The following ST18 variants were observed in gnomAD, a reference collection of about 807,000 sequenced individuals.
The protein encoded by ST18 is ST18 C2H2C-type zinc finger transcription factor.
A neutral mutation model predicts 110.0 loss-of-function variants in ST18; 50 were observed. The ratio of observed to expected loss-of-function variants is 0.45; its 90% CI spans 0.36 to 0.58. ST18 has a LOEUF of 0.58. ST18 is among the 20% of genes least tolerant of loss of function. The probability of loss-of-function intolerance (pLI) is 0.00; values close to 1 mark genes in which losing one functional copy is unlikely to be tolerated. For missense variants in ST18, 1,306 were observed against 1,280.1 expected, an observed-to-expected ratio of 1.02 and a Z score of -0.31; for synonymous variants, 461 against 452.4, an observed-to-expected ratio of 1.02 and a Z score of -0.24.
intron 14 of ST18, among the ~76,000 whole-genome samples, chr8:52,159,392 G>A (rs2060840462): frequency 6.6e-6 from 1 of 151,984 alleles, no homozygotes; most frequent in Non-Finnish European, 1.5e-5. Flanking sequence ...TTATGGGGCA[G>A]GTGCACTGGC....
At chr8:52,353,721 G>T (rs1366925278) in intron 2 of ST18, among the ~76,000 whole-genome samples, 1 of 152,184 alleles carries the variant, frequency 6.6e-6, no homozygotes, top group Non-Finnish European at 1.5e-5. Context: ...AATAAGAAAA[G>T]AAAGGGTTGA....
At chr8:52,142,634 G>T (rs1284111205) in intron 17 of ST18, among the ~76,000 whole-genome samples, 1 of 152,170 alleles carries the variant, frequency 6.6e-6, no homozygotes, top group Non-Finnish European at 1.5e-5. Flanking sequence ...GTGTTAGAAG[G>T]TTAGTAGAGT....
At position 52,380,169 on chromosome 8, in the gene ST18, A is replaced by G. The variant is rs183132241; in HGVS notation, c.-465+29159T>C. Among the ~76,000 whole-genome samples, 56 of 152,358 alleles carry G rather than the reference A, an allele frequency of 3.7e-4. 1 individual carries two copies. Among genetic ancestry groups the G allele is most frequent in the Admixed American group, 3.3e-3 (51 of 15,302 alleles). ...AAAAGTTGAATTGTTTGATATGGAC[A>G]GTAAATTGAGGTCTGCAATTGCCGG... On this transcript the variant is annotated intron_variant, in intron 2 of 25. Coordinates refer to ENST00000689386, the MANE Select transcript of ST18 (RefSeq NM_001352837.2).
intron 25 of ST18, among the ~76,000 whole-genome samples, chr8:52,115,054 C>T (rs1395198048): frequency 6.6e-6 from 1 of 152,104 alleles, no homozygotes; most frequent in African/African-American, 2.4e-5. Context: ...ATAGTGGTAT[C>T]ATTTATTTTG....
chr8:52,335,126 A>T (rs1279248200), intron 2 of ST18, among the ~76,000 whole-genome samples: 1 of 152,194 alleles, frequency 6.6e-6, no homozygotes, highest in Non-Finnish European at 1.5e-5. Flanking sequence ...GCAATAGAGA[A>T]ATCAGCTATC....
intron 2 of ST18, among the ~76,000 whole-genome samples, chr8:52,250,968 T>A (rs4487799): frequency 0.29 from 44,726 of 152,006 alleles, 6,712 homozygotes; most frequent in Middle Eastern, 0.45. Context: ...TATTTTTATG[T>A]AAAGATACTA....
intron 2 of ST18, among the ~76,000 whole-genome samples, chr8:52,325,282 T>G (rs1021398548): frequency 6.6e-6 from 1 of 152,146 alleles, no homozygotes; most frequent in African/African-American, 2.4e-5. Flanking sequence ...TAGCTCCAAG[T>G]CTGGGTACCT....
intron 2 of ST18, among the ~76,000 whole-genome samples, chr8:52,270,144 C>T (rs2095025807): frequency 1.3e-5 from 2 of 152,180 alleles, no homozygotes; most frequent in African/African-American, 2.4e-5. Flanking sequence ...GAATTTCTCT[C>T]ATGGGAAAAT....
chr8:52,203,991 G>A (rs2079017179), intron 8 of ST18, among the ~76,000 whole-genome samples: 1 of 152,144 alleles, frequency 6.6e-6, no homozygotes, highest in Non-Finnish European at 1.5e-5. Context: ...GTCATCTCTG[G>A]AAGCATATAA....
intron 2 of ST18, among the ~76,000 whole-genome samples, chr8:52,318,454 T>C (rs1032649630): frequency 2.0e-5 from 3 of 151,962 alleles, no homozygotes; most frequent in African/African-American, 7.3e-5. Flanking sequence ...TTGGTGGGAG[T>C]GTAAATTGGT....
intron 2 of ST18, among the ~76,000 whole-genome samples, chr8:52,286,648 A>G (rs2095476035): frequency 6.6e-6 from 1 of 151,962 alleles, no homozygotes; most frequent in Non-Finnish European, 1.5e-5. Context: ...TCCATTTTGT[A>G]CTGATTATGT....
At chr8:52,295,088 AC>A (rs772315146) in intron 2 of ST18, among the ~76,000 whole-genome samples, 6 of 152,150 alleles carry the variant, frequency 3.9e-5, no homozygotes, top group Non-Finnish European at 8.8e-5. Flanking sequence ...TCATTTCATC[AC>A]CTCTAGCCTG....
intron 9 of ST18, among the ~76,000 whole-genome samples, chr8:52,178,130 A>G (rs1298292467): frequency 1.3e-5 from 2 of 152,206 alleles, no homozygotes; most frequent in East Asian, 3.9e-4. Flanking sequence ...TCAACAAACT[A>G]CAATAGAAGG....
At chr8:52,205,677 C>T (rs1294161756) in intron 8 of ST18, among the ~76,000 whole-genome samples, 1 of 152,138 alleles carries the variant, frequency 6.6e-6, no homozygotes, top group African/African-American at 2.4e-5. Flanking sequence ...AAGCAATTCT[C>T]CTGCTTCAGC....
intron 2 of ST18, among the ~76,000 whole-genome samples, chr8:52,343,541 G>A (rs748956808): frequency 5.9e-5 from 9 of 152,144 alleles, no homozygotes; most frequent in East Asian, 3.9e-4. Context: ...CAAAGTCCCC[G>A]TGGCCAAAAA....
chr8:52,358,848 C>T (rs757097261), intron 2 of ST18, among the ~76,000 whole-genome samples: 11 of 151,820 alleles, frequency 7.2e-5, no homozygotes, highest in Non-Finnish European at 1.5e-4. Flanking sequence ...AGAAGGAATG[C>T]ATCCCAACTC....
In ST18 at chr8:52,110,993, T is replaced by C; in HGVS notation, c.*2205A>G. On this transcript the variant is annotated 3_prime_UTR_variant, in exon 26 of 26. Transcript: ENST00000689386. ...ATGCATACATCATTGCCTTTTTGTT[T>C]ACAAAAGACCCAATTTACAGTATTG... is the stretch of plus-strand genomic sequence containing the variant. 1 of 398,778 alleles carries C rather than the reference T, an allele frequency of 2.5e-6. No individual in the cohort carries two copies. 24.7% of individuals were successfully genotyped at this position (398,778 alleles called of 1,614,324 possible).
chr8:52,368,189 T>G (rs1828890992), intron 2 of ST18, among the ~76,000 whole-genome samples: 1 of 152,168 alleles, frequency 6.6e-6, no homozygotes, highest in Non-Finnish European at 1.5e-5. Context: ...CTTTTTTCAT[T>G]AAGCATCCCT....
chr8:52,172,100 G>A lies in ST18; in HGVS notation c.761C>T (p.Thr254Ile), dbSNP rs1197320272. 1 of 1,614,188 alleles carries A rather than the reference G, an allele frequency of 6.2e-7. No individual in the cohort carries two copies. The highest frequency in any genetic ancestry group is 1.1e-5 in the South Asian group (1 of 91,082). The change falls in exon 10 of 26, where the codon ACA becomes ATA. Residue 254 changes from threonine (T) to isoleucine (I), a missense_variant. Thr to Ile is a moderately conservative substitution (Grantham distance 89). Transcript: ENST00000689386. ...AGCATTCTGCGGGTCTTTCCTTTCT[G>A]TTTCAGAATCACACCTGTTCTCACA... is the stretch of plus-strand genomic sequence containing the variant. ...IPCENRCDSETERKDPQNALA... is the reference protein window; with the variant it reads ...IPCENRCDSEIERKDPQNALA...
Sources: gnomAD v4.1 joint callset for allele counts (sites outside exome capture counted in the v4.1 genomes callset) on GRCh38, gnomAD v4.1.1 for gene constraint, MANE v1.5 for transcripts, NCBI Gene and HGNC (gene_info 2026-07-23, HGNC 2026-07-21) for gene names.